Variants in SORCS1 observed in about 807,000 individuals in gnomAD.
SORCS1 encodes the protein VPS10 domain-containing receptor SorCS1.
In SORCS1, 60 loss-of-function variants were observed where a neutral mutation model predicts 146.1. The ratio of observed to expected loss-of-function variants is 0.41; its 90% CI spans 0.33 to 0.51. SORCS1 has a LOEUF of 0.51. Ranked by LOEUF, SORCS1 falls within the 20% of genes least tolerant of loss-of-function variation. The probability of loss-of-function intolerance (pLI) is 0.21; values close to 1 mark genes in which losing one functional copy is unlikely to be tolerated. For missense variants in SORCS1, 1,352 were observed against 1,487.6 expected (o/e 0.91, Z 1.50); for synonymous variants, 637 against 584.0 (o/e 1.09, Z -1.31).
chr10:106,904,255 A>T (rs1211706186), intron 2 of SORCS1, among the ~76,000 whole-genome samples: 1 of 152,180 alleles, frequency 6.6e-6, no homozygotes. Context: ...TAAAAGTTAG[A>T]CTTGGTCTAA....
intron 4 of SORCS1, among the ~76,000 whole-genome samples, chr10:106,770,016 C>T (rs1445138284): frequency 6.6e-6 from 1 of 152,104 alleles, no homozygotes; most frequent in Non-Finnish European, 1.5e-5. Context: ...TCGCTGGAAC[C>T]CAGGAAGCAG....
chr10:106,960,546 A>C lies in SORCS1; in HGVS notation c.559-3966T>G, dbSNP rs945031709. On this transcript the variant is annotated intron_variant, in intron 1 of 25. Coordinates refer to ENST00000263054, the MANE Select transcript of SORCS1 (RefSeq NM_052918.5). This position sits in a 1 kb window ranked among gnomAD's most constrained non-coding sequence, Gnocchi z 4.4. ...CAGCCTCCCGAGTAGCTGAGACTAC[A>C]GGTGCGCCACCACACCCAGCTAATT... Among the ~76,000 whole-genome samples the C allele has an allele frequency of 5.9e-4, 89 of 152,068 alleles. No homozygotes were observed. The highest frequency in any genetic ancestry group is 2.1e-3 in the African/African-American group (88 of 41,482).
chr10:106,759,972 G>A (rs1031000130), intron 5 of SORCS1, among the ~76,000 whole-genome samples: 1 of 152,112 alleles, frequency 6.6e-6, no homozygotes, highest in East Asian at 1.9e-4. Context: ...TTATGTAAAT[G>A]CAAGTATCTC....
chr10:106,795,762 TG>T (rs1946525637), intron 3 of SORCS1, among the ~76,000 whole-genome samples: 2 of 152,156 alleles, frequency 1.3e-5, no homozygotes, highest in Non-Finnish European at 2.9e-5. Context: ...AGAGATTGAA[TG>T]GGAACATTCT....
chr10:106,870,215 A>C (rs1222034101), intron 2 of SORCS1, among the ~76,000 whole-genome samples: 2 of 152,198 alleles, frequency 1.3e-5, no homozygotes, highest in Admixed American at 6.5e-5. Context: ...ATGGAAAAAC[A>C]TCCCATGCTC....
intron 1 of SORCS1, among the ~76,000 whole-genome samples, chr10:106,974,431 A>T (rs1955911748): frequency 6.6e-6 from 1 of 152,174 alleles, no homozygotes; most frequent in Admixed American, 6.5e-5. Flanking sequence ...AGGAATGCAA[A>T]TGTGAAGCCC....
chr10:106,993,579 A>G (rs1956862961), intron 1 of SORCS1, among the ~76,000 whole-genome samples: 1 of 152,208 alleles, frequency 6.6e-6, no homozygotes, highest in South Asian at 2.1e-4. Flanking sequence ...AAAACTAGAT[A>G]GTATTTTATT....
intron 6 of SORCS1, among the ~76,000 whole-genome samples, chr10:106,727,150 C>T (rs944016105): frequency 2.0e-5 from 3 of 151,736 alleles, no homozygotes; most frequent in Admixed American, 6.6e-5. Context: ...CAATGCAGAT[C>T]TTAACAAGGT....
chr10:106,739,950 CAAAA>C (rs1226313224), intron 5 of SORCS1, among the ~76,000 whole-genome samples: 3 of 58,236 alleles, frequency 5.2e-5, no homozygotes, highest in African/African-American at 6.3e-5. Context: ...GACTCTGTCT[CAAAA>C]AAAAAAAAAA....
At chr10:106,814,116 T>G (rs1947616410) in intron 3 of SORCS1, among the ~76,000 whole-genome samples, 1 of 152,248 alleles carries the variant, frequency 6.6e-6, no homozygotes, top group Non-Finnish European at 1.5e-5. Flanking sequence ...CAAGGTTTTC[T>G]TGGGATCCTC....
intron 1 of SORCS1, among the ~76,000 whole-genome samples, chr10:107,065,415 T>TTTTCTTTCTTCCTTTCTTTCTTTCTTTC (rs1961664204): frequency 8.3e-6 from 1 of 120,396 alleles, no homozygotes; most frequent in Non-Finnish European, 1.6e-5. Flanking sequence ...TCTCTCTTTC[T>TTTTCTTTCTTCCTTTCTTTCTTTCTTTC]TTTCTTTCTT....
intron 1 of SORCS1, 140 bp downstream of exon 1, chr10:107,163,829 G>C: frequency 1.1e-6 from 1 of 931,506 alleles, no homozygotes; most frequent in Non-Finnish European, 1.6e-6. Context: ...TTAACTCTTG[G>C]GGGAAGTGGG....
At chr10:107,076,305 C>G (rs1341647645) in intron 1 of SORCS1, among the ~76,000 whole-genome samples, 1 of 152,056 alleles carries the variant, frequency 6.6e-6, no homozygotes, top group Admixed American at 6.6e-5. Context: ...TCTCCAAAGT[C>G]CTACACTCAA....
intron 2 of SORCS1, among the ~76,000 whole-genome samples, chr10:106,845,843 C>T: frequency 1.3e-5 from 1 of 75,632 alleles, no homozygotes; most frequent in Non-Finnish European, 3.1e-5. Flanking sequence ...ATAGGGAATC[C>T]TTTCCCCATT....
chr10:107,044,139 C>T (rs945073728), intron 1 of SORCS1, among the ~76,000 whole-genome samples: 7 of 152,158 alleles, frequency 4.6e-5, no homozygotes, highest in Non-Finnish European at 1.0e-4. Flanking sequence ...ATAATGAAAT[C>T]AGGAGATCTT....
chr10:106,749,768 T>G (rs1858010710), intron 5 of SORCS1, among the ~76,000 whole-genome samples: 1 of 152,208 alleles, frequency 6.6e-6, no homozygotes, highest in Admixed American at 6.5e-5. Context: ...TTAGCAGCAG[T>G]TAACATTTAC....
At chr10:106,708,789 C>T (rs1473466091) in intron 7 of SORCS1, among the ~76,000 whole-genome samples, 2 of 152,272 alleles carry the variant, frequency 1.3e-5, no homozygotes, top group African/African-American at 4.8e-5. Flanking sequence ...CCTGCTTCTC[C>T]ACTTTTAAGG....
intron 1 of SORCS1, among the ~76,000 whole-genome samples, chr10:107,006,589 G>A (rs866367091): frequency 1.3e-4 from 20 of 152,262 alleles, no homozygotes; most frequent in East Asian, 5.8e-4. Flanking sequence ...AGGCCGAGGC[G>A]GGCAGATCAC....
In SORCS1 at chr10:107,093,637, C is replaced by A. The variant is rs1326258765; in HGVS notation, c.558+70332G>T. On this transcript the variant is annotated intron_variant, in intron 1 of 25. Transcript: ENST00000263054. ...GCAGGGGGCTGAGATCACATCACTG[C>A]AGCCTGGCATCCAGCCTGGCGACAG... 2.0e-5 allele frequency among the ~76,000 whole-genome samples: 3 copies of A among 149,234 alleles called. No homozygotes were observed. The East Asian group carries it at 5.9e-4, about 29-fold the overall frequency.
Sources: allele counts gnomAD v4.1 joint callset (sites outside exome capture counted in the v4.1 genomes callset), GRCh38; gene constraint gnomAD v4.1.1; non-coding constraint Gnocchi (gnomAD v3.1); transcripts MANE v1.5; gene names NCBI Gene and HGNC (gene_info 2026-07-23, HGNC 2026-07-21).